ARHGAP35: variants seen among roughly 807,000 people sequenced by gnomAD.
ARHGAP35 encodes rho GTPase-activating protein 35.
In ARHGAP35, 15 loss-of-function variants were observed where a neutral mutation model predicts 111.1. The observed-to-expected ratio is 0.13, with a 90% CI of 0.09 to 0.21. The LOEUF is 0.21. ARHGAP35 is among the 10% of genes least tolerant of loss of function. The probability of loss-of-function intolerance (pLI) is 1.00; values close to 1 mark genes in which losing one functional copy is unlikely to be tolerated. For synonymous variants in ARHGAP35, 643 were observed against 710.3 expected (o/e 0.91, Z 1.51); for missense variants, 1,262 against 1,873.0 (o/e 0.67, Z 6.02).
chr19:46,881,375 A>G (rs1386238239), intron 1 of ARHGAP35, among the ~76,000 whole-genome samples: 1 of 152,220 alleles, frequency 6.6e-6, no homozygotes, highest in African/African-American at 2.4e-5. Flanking sequence ...TTAGGTAATA[A>G]CACTTGAAAG....
At chr19:46,965,704 C>A (rs1309008561) in intron 3 of ARHGAP35, among the ~76,000 whole-genome samples, 1 of 152,126 alleles carries the variant, frequency 6.6e-6, no homozygotes, top group East Asian at 1.9e-4. Context: ...AGGCTGATCT[C>A]CAACTCCTGC....
In ARHGAP35 at chr19:46,989,684, C is replaced by A; in HGVS notation, c.4036+9C>A. On this transcript the variant is annotated intron_variant, in intron 5 of 6. Transcript: ENST00000672722. This position sits in a 1 kb window ranked among gnomAD's most constrained non-coding sequence, Gnocchi z 5.3. Reference sequence around the variant, plus strand: ...CTTGGTGGAAGCACACAGTGAGTACCGGCAGCCCAGTGTTGGGCGGATTGA... The same window carrying A: ...CTTGGTGGAAGCACACAGTGAGTACAGGCAGCCCAGTGTTGGGCGGATTGA... The A allele has an allele frequency of 6.2e-7, 1 of 1,613,664 alleles. No individual in the cohort carries two copies. Among genetic ancestry groups the A allele is most frequent in the South Asian group, 1.1e-5 (1 of 91,052 alleles).
At chr19:46,929,293 T>C (rs1181842159) in intron 2 of ARHGAP35, among the ~76,000 whole-genome samples, 1 of 152,146 alleles carries the variant, frequency 6.6e-6, no homozygotes, top group Non-Finnish European at 1.5e-5. Context: ...ATTAAAAAGG[T>C]CCTTTTGGAA....
intron 1 of ARHGAP35, among the ~76,000 whole-genome samples, chr19:46,870,108 G>C (rs1173027871): frequency 6.6e-6 from 1 of 151,548 alleles, no homozygotes; most frequent in Non-Finnish European, 1.5e-5. Flanking sequence ...CACCATGCCT[G>C]GCTAATATTT....
rs2056667387 is a variant in ARHGAP35, at chr19:46,989,317, G to A, written c.3905-227G>A. On this transcript the variant is annotated intron_variant, in intron 4 of 6. Coordinates refer to ENST00000672722, the MANE Select transcript of ARHGAP35 (RefSeq NM_004491.5). The surrounding 1 kb of genome is among the most constrained non-coding windows in gnomAD (Gnocchi z 5.3). Reference sequence around the variant, plus strand: ...GGGTAGCACCCCTGCCCCGAGAGTGGTAGAAGGGGCAGTTCAGCAGTCTCG... The same window carrying A: ...GGGTAGCACCCCTGCCCCGAGAGTGATAGAAGGGGCAGTTCAGCAGTCTCG... The A allele has an allele frequency of 6.2e-6, 3 of 485,060 alleles. No homozygotes were observed. The highest frequency in any genetic ancestry group is 1.1e-5 in the Non-Finnish European group (3 of 269,504). The allele number at this position is 485,060 out of a possible 1,614,324, so 30.0% of individuals were successfully genotyped here.
intron 1 of ARHGAP35, among the ~76,000 whole-genome samples, chr19:46,897,060 ATTTTTT>A (rs61692635): frequency 2.2e-5 from 3 of 133,650 alleles, no homozygotes; most frequent in Non-Finnish European, 4.8e-5. Context: ...CACCTGGCTA[ATTTTTT>A]TTTTTTTTTT....
At chr19:46,987,671 G>GT (rs1427507235) in intron 3 of ARHGAP35, among the ~76,000 whole-genome samples, 2 of 152,184 alleles carry the variant, frequency 1.3e-5, no homozygotes, top group African/African-American at 4.8e-5. Flanking sequence ...TACTACCTCT[G>GT]TTTTTTAAAT....
intron 2 of ARHGAP35, among the ~76,000 whole-genome samples, chr19:46,923,155 A>C (rs561804303): frequency 6.5e-4 from 95 of 146,422 alleles, no homozygotes; most frequent in Non-Finnish European, 1.1e-3. Flanking sequence ...CCCACGCTAG[A>C]GTGCAGTGGC....
chr19:46,985,621 TTAA>T (rs1353476288), intron 3 of ARHGAP35, among the ~76,000 whole-genome samples: 1 of 152,182 alleles, frequency 6.6e-6, no homozygotes, highest in Non-Finnish European at 1.5e-5. Flanking sequence ...CATCGTTTAT[TTAA>T]TAAACAAGCA....
chr19:46,861,734 C>T (rs1237693429), intron 1 of ARHGAP35, among the ~76,000 whole-genome samples: 1 of 152,120 alleles, frequency 6.6e-6, no homozygotes, highest in Non-Finnish European at 1.5e-5. Context: ...GTCCTCGGCC[C>T]CTTCTTTGAC....
chr19:46,985,213 G>A (rs1307938307), intron 3 of ARHGAP35, among the ~76,000 whole-genome samples: 3 of 152,200 alleles, frequency 2.0e-5, no homozygotes, highest in African/African-American at 7.2e-5. Flanking sequence ...TGTCTTGAGA[G>A]CAGTTGAGAA....
chr19:46,999,423 C>T lies in ARHGAP35; in HGVS notation c.4142+14C>T. ...TCACCTAAACAAGTAAGTCGCAGGG[C>T]CTTCTGGTTGGTTTTTCCTCCTGAA... On this transcript the variant is annotated intron_variant, in intron 6 of 6. Coordinates refer to ENST00000672722, the MANE Select transcript of ARHGAP35 (RefSeq NM_004491.5). The surrounding 1 kb of genome is among the most constrained non-coding windows in gnomAD (Gnocchi z 5.4). The T allele has an allele frequency of 2.0e-6, 3 of 1,538,194 alleles. No individual in the cohort carries two copies. The highest frequency in any genetic ancestry group is 2.7e-6 in the Non-Finnish European group (3 of 1,131,018).
intron 5 of ARHGAP35, among the ~76,000 whole-genome samples, chr19:46,995,501 C>T (rs995403447): frequency 1.3e-5 from 2 of 152,262 alleles, no homozygotes; most frequent in East Asian, 1.9e-4. Flanking sequence ...AGGGCTCTGC[C>T]GCGTGCAGGG....
In ARHGAP35 at chr19:47,000,924, G is replaced by A. The variant is rs556105227; in HGVS notation, c.*236G>A. The stretch of plus-strand genomic sequence containing the variant: ...TTGGACCCATTTGAGGACTGAACTA[G>A]GCAGGCAATGGCTCCAGTGCCCTCC... On this transcript the variant is annotated 3_prime_UTR_variant, in exon 7 of 7. Transcript: ENST00000672722. The surrounding 1 kb of genome is among the most constrained non-coding windows in gnomAD (Gnocchi z 6.9). 7.2e-6 allele frequency: 11 copies of A among 1,528,488 alleles called. No individual in the cohort carries two copies. The African/African-American group carries it at 1.4e-4, about 19-fold the overall frequency. The allele number at this position is 1,528,488 out of a possible 1,614,324, so 94.7% of individuals were successfully genotyped here. A position where few individuals can be genotyped will look rare whatever the true frequency, so the allele number is the denominator to read the frequency against.
At position 47,000,521 on chromosome 19, in the gene ARHGAP35, C is replaced by A; in HGVS notation, c.4333C>A (p.Pro1445Thr). 6.2e-7 allele frequency: 1 copy of A among 1,613,628 alleles called. No individual in the cohort carries two copies. The change falls in exon 7 of 7, where the codon CCC becomes ACC. Residue 1445 changes from proline to threonine, a missense_variant. Physicochemically the swap from Pro to Thr is conservative, Grantham distance 38 (BLOSUM62 -1). This residue lies in a region of ARHGAP35 where 75 missense variants were observed against 87.0 expected (regional missense o/e 0.86). Coordinates refer to ENST00000672722, the MANE Select transcript of ARHGAP35 (RefSeq NM_004491.5). This position sits in a 1 kb window ranked among gnomAD's most constrained non-coding sequence, Gnocchi z 6.9. ...FFYNRPITEP[P>T]GARPSSPSAV... Reference sequence around the variant, plus strand: ...CTACAATCGGCCCATCACCGAGCCCCCCGGCGCCAGGCCCAGCTCCCCCTC... The same window carrying A: ...CTACAATCGGCCCATCACCGAGCCCACCGGCGCCAGGCCCAGCTCCCCCTC...
intron 3 of ARHGAP35, among the ~76,000 whole-genome samples, chr19:46,976,693 G>A (rs544491246): frequency 3.2e-4 from 49 of 152,374 alleles, no homozygotes; most frequent in African/African-American, 1.2e-3. Context: ...TATTTGCCAA[G>A]GCAGTACAAA....
At chr19:46,990,747 G>A (rs1290710042) in intron 5 of ARHGAP35, among the ~76,000 whole-genome samples, 4 of 152,186 alleles carry the variant, frequency 2.6e-5, no homozygotes, top group African/African-American at 7.2e-5. Context: ...GCATGGCCCC[G>A]AGTCCTGGGT....
chr19:46,953,351 T>G (rs760471090), intron 3 of ARHGAP35, among the ~76,000 whole-genome samples: 1 of 151,842 alleles, frequency 6.6e-6, no homozygotes, highest in African/African-American at 2.4e-5. Flanking sequence ...TTTGAGAAGG[T>G]CCTGAAGGAA....
rs546256706 is a variant in ARHGAP35 at position 46,931,802 on chromosome 19, C to G, written c.3682-5462C>G. Among the ~76,000 whole-genome samples the G allele has an allele frequency of 3.9e-5, 6 of 152,286 alleles. No homozygotes were observed. In the South Asian group the frequency reaches 1.2e-3, roughly 32 times the overall value. ...GCATGGGGCTTTGGCATTCAAAGATCACCGTACACTAAGTGCTGGCTGTGA... is the reference window on the plus strand; with the variant it reads ...GCATGGGGCTTTGGCATTCAAAGATGACCGTACACTAAGTGCTGGCTGTGA... On this transcript the variant is annotated intron_variant, in intron 2 of 6. Transcript: ENST00000672722.
Sources: allele counts gnomAD v4.1 joint callset (sites outside exome capture counted in the v4.1 genomes callset), GRCh38; gene constraint gnomAD v4.1.1; regional missense constraint gnomAD v4.1.1; non-coding constraint Gnocchi (gnomAD v3.1); transcripts MANE v1.5; gene names NCBI Gene and HGNC (gene_info 2026-07-23, HGNC 2026-07-21).